Variants in PPCDC observed in about 807,000 individuals in gnomAD.
PPCDC encodes phosphopantothenoylcysteine decarboxylase.
A neutral mutation model predicts 20.7 loss-of-function variants in PPCDC; 20 were observed. The ratio of observed to expected loss-of-function variants is 0.97; its 90% confidence interval spans 0.68 to 1.41. The LOEUF (loss-of-function observed/expected upper bound fraction) is 1.41, where lower values mean the gene tolerates loss of function less well. Among genes scored for constraint, PPCDC ranks in the 40% most tolerant of loss-of-function variants. PPCDC has a pLI of 0.00. For missense variants in PPCDC, 246 were observed against 263.8 expected, an observed-to-expected ratio of 0.93 and a Z score of 0.47; for synonymous variants, 88 against 100.3, an observed-to-expected ratio of 0.88 and a Z score of 0.73.
intron 2 of PPCDC, among the ~76,000 whole-genome samples, chr15:75,033,484 T>TTGTAACCTA: frequency 6.6e-6 from 1 of 152,154 alleles, no homozygotes; most frequent in Non-Finnish European, 1.5e-5. Context: ...CAGTTTTAAT[T>TTGTAACCTA]TGTAACCTAT....
At chr15:75,028,592 G>A in intron 2 of PPCDC, 139 bp downstream of exon 2, 1 of 1,235,842 alleles carries the variant, frequency 8.1e-7, no homozygotes, top group Non-Finnish European at 1.1e-6. Flanking sequence ...TCCTGTGTGT[G>A]TGGTGCTCTG....
At position 75,036,841 on chromosome 15, in the gene PPCDC, A is replaced by T. The variant is rs1324420033; in HGVS notation, c.136-6600A>T. On this transcript the variant is annotated intron_variant, in intron 2 of 5. Transcript: ENST00000342932. ...TTTATTGATGGATGATTGATTGATT[A>T]TTTTTTTTTTGTAGAGAAGGAGTTT... Among the ~76,000 whole-genome samples the T allele has an allele frequency of 8.7e-5, 13 of 149,416 alleles. No homozygotes were observed. The South Asian group carries it at 1.5e-3, about 17-fold the overall frequency.
intron 3 of PPCDC, chr15:75,043,832 T>A (rs3816261): frequency 0.11 from 39,848 of 370,440 alleles, 4,686 homozygotes; most frequent in South Asian, 0.39. Context: ...CCCACCACCC[T>A]TGTCCACGTG....
chr15:75,037,698 GC>G lies in PPCDC; in HGVS notation c.136-5741del, dbSNP rs1222790827. ...GGAGGTTGCAGTGAGCCGAGATTGCGCCGCTGCACTCCAGCCTAGATGACAA... is the reference window on the plus strand; with the variant it reads ...GGAGGTTGCAGTGAGCCGAGATTGCGCGCTGCACTCCAGCCTAGATGACAA... On this transcript the variant is annotated intron_variant, in intron 2 of 5. Transcript: ENST00000342932. 4.6e-5 allele frequency among the ~76,000 whole-genome samples: 7 copies of G among 152,210 alleles called. 1 individual carries two copies. Among genetic ancestry groups the G allele is most frequent in the Admixed American group, 3.3e-4 (5 of 15,282 alleles).
At chr15:75,029,825 C>G (rs916517370) in intron 2 of PPCDC, among the ~76,000 whole-genome samples, 1 of 152,140 alleles carries the variant, frequency 6.6e-6, no homozygotes, top group African/African-American at 2.4e-5. Context: ...GTTCCCTTTT[C>G]CCATAGCCCC....
Position 75,049,263 on chromosome 15 carries a change from C to T in PPCDC, c.*28C>T, listed in dbSNP as rs1485944379. The T allele has an allele frequency of 6.2e-7, 1 of 1,603,082 alleles. No homozygotes were observed. Among genetic ancestry groups the T allele is most frequent in the South Asian group, 1.1e-5 (1 of 90,778 alleles). On this transcript the variant is annotated 3_prime_UTR_variant, in exon 6 of 6. Transcript: ENST00000342932. ...TGGGATTTCTGTCATGGGTGTCCCT[C>T]TGTACTCAGAATGGGTTCAGGCCAA...
At chr15:75,031,403 G>T (rs1446761888) in intron 2 of PPCDC, among the ~76,000 whole-genome samples, 1 of 152,156 alleles carries the variant, frequency 6.6e-6, no homozygotes, top group Non-Finnish European at 1.5e-5. Flanking sequence ...AGGCTGCTTG[G>T]CTGGGCTATG....
chr15:75,035,412 C>T (rs1684733667), intron 2 of PPCDC, among the ~76,000 whole-genome samples: 2 of 152,150 alleles, frequency 1.3e-5, no homozygotes, highest in African/African-American at 4.8e-5. Flanking sequence ...CTGCCCCAGA[C>T]GTAGCCTGGC....
chr15:75,044,013 G>A (rs552825965), intron 3 of PPCDC, among the ~76,000 whole-genome samples: 9 of 152,074 alleles, frequency 5.9e-5, no homozygotes, highest in African/African-American at 1.7e-4. Context: ...GAACATTTCC[G>A]GCTGGCCTGT....
Position 75,049,414 on chromosome 15 carries a change from G to A in PPCDC, c.*179G>A, listed in dbSNP as rs2066283873. On this transcript the variant is annotated 3_prime_UTR_variant, in exon 6 of 6. Transcript: ENST00000342932. ...AACTGGACGGAAGGCCCAGGTCTCA[G>A]TTTCTTTCAACCAGGAGAGGCCGCT... 3.2e-6 allele frequency: 2 copies of A among 629,872 alleles called. No individual in the cohort carries two copies. Among genetic ancestry groups the A allele is most frequent in the East Asian group, 5.6e-5 (2 of 35,512 alleles). The allele number at this position is 629,872 out of a possible 1,614,324, so 39.0% of individuals were successfully genotyped here.
At chr15:75,048,160 T>G (rs1156935413) in intron 4 of PPCDC, among the ~76,000 whole-genome samples, 3 of 152,172 alleles carry the variant, frequency 2.0e-5, no homozygotes, top group Non-Finnish European at 4.4e-5. Flanking sequence ...CTCGGAGAGC[T>G]GATGTCAAGT....
At chr15:75,027,210 C>T (rs2065969154) in intron 1 of PPCDC, among the ~76,000 whole-genome samples, 1 of 152,162 alleles carries the variant, frequency 6.6e-6, no homozygotes, top group African/African-American at 2.4e-5. Context: ...TTCTCAAACT[C>T]AACCTACAGA....
chr15:75,030,908 CTG>C (rs1334740569), intron 2 of PPCDC, among the ~76,000 whole-genome samples: 3 of 152,042 alleles, frequency 2.0e-5, no homozygotes, highest in Non-Finnish European at 4.4e-5. Flanking sequence ...ATCAGGGAGA[CTG>C]TGAGGGGTGG....
chr15:75,038,731 AAATTT>A (rs1452834428), intron 2 of PPCDC, among the ~76,000 whole-genome samples: 3 of 151,948 alleles, frequency 2.0e-5, no homozygotes, highest in Non-Finnish European at 2.9e-5. Context: ...CACTTCTGGG[AAATTT>A]AATTTAATTT....
intron 2 of PPCDC, among the ~76,000 whole-genome samples, chr15:75,031,665 C>G (rs773309512): frequency 6.6e-6 from 1 of 152,146 alleles, no homozygotes; most frequent in African/African-American, 2.4e-5. Flanking sequence ...GATCATGCCA[C>G]TGCACTCCAG....
chr15:75,025,577 C>T (rs1272245875), intron 1 of PPCDC, among the ~76,000 whole-genome samples: 1 of 152,180 alleles, frequency 6.6e-6, no homozygotes, highest in Non-Finnish European at 1.5e-5. Flanking sequence ...TGCCATTTTT[C>T]TGGCTGTGGC....
At chr15:75,028,567 T>C (rs1456026491) in intron 2 of PPCDC, 114 bp downstream of exon 2, 1 of 1,450,166 alleles carries the variant, frequency 6.9e-7, no homozygotes, top group African/African-American at 1.4e-5. Flanking sequence ...ATCATGTTAA[T>C]CATGCTTGTG....
At chr15:75,044,588 A>C in intron 4 of PPCDC, 74 bp downstream of exon 4, 1 of 1,553,626 alleles carries the variant, frequency 6.4e-7, no homozygotes, top group Non-Finnish European at 8.7e-7. Context: ...ACATCCTTGT[A>C]CAAGGAGACC....
intron 1 of PPCDC, among the ~76,000 whole-genome samples, chr15:75,026,734 T>C (rs907988313): frequency 7.2e-5 from 11 of 152,186 alleles, no homozygotes; most frequent in African/African-American, 2.7e-4. Context: ...GATTCTTTTT[T>C]GAGTGCATCT....
Sources: allele counts gnomAD v4.1 joint callset (sites outside exome capture counted in the v4.1 genomes callset), GRCh38; gene constraint gnomAD v4.1.1; transcripts MANE v1.5; gene names NCBI Gene and HGNC (gene_info 2026-07-23, HGNC 2026-07-21).